VWA8: variants seen among roughly 807,000 people sequenced by gnomAD.
VWA8 encodes the protein von Willebrand factor A domain containing 8.
In VWA8, 221 loss-of-function variants were observed where a neutral mutation model predicts 241.5. The ratio of observed to expected loss-of-function variants is 0.91; its 90% confidence interval spans 0.82 to 1.02. The LOEUF (loss-of-function observed/expected upper bound fraction) is 1.02. VWA8 is among the 50% of genes least tolerant of loss of function. VWA8 has a pLI of 0.00. For missense variants in VWA8, 2,322 were observed against 2,328.7 expected, an observed-to-expected ratio of 1.00 and a Z score of 0.06; for synonymous variants, 852 against 827.1, an observed-to-expected ratio of 1.03 and a Z score of -0.52.
chr13:41,839,873 T>C (rs1198332689), intron 12 of VWA8, among the ~76,000 whole-genome samples: 3 of 152,202 alleles, frequency 2.0e-5, no homozygotes, highest in South Asian at 2.1e-4. Context: ...TGGTTCCACA[T>C]GAAATTTAAA....
chr13:41,958,143 G>C (rs916239207), intron 1 of VWA8, among the ~76,000 whole-genome samples: 3 of 152,224 alleles, frequency 2.0e-5, no homozygotes, highest in Non-Finnish European at 4.4e-5. Context: ...ATAAAAAGCA[G>C]TGGGTTTGGG....
chr13:41,946,626 C>A (rs1391905318), intron 2 of VWA8, among the ~76,000 whole-genome samples: 1 of 150,816 alleles, frequency 6.6e-6, no homozygotes, highest in Non-Finnish European at 1.5e-5. Flanking sequence ...TAATTAGAAT[C>A]CCTAGGATGA....
intron 31 of VWA8, 22 bp downstream of exon 31, chr13:41,691,852 T>A (rs371112592): frequency 1.9e-6 from 3 of 1,568,052 alleles, no homozygotes; most frequent in African/African-American, 2.7e-5. Context: ...CCAGTTTAAA[T>A]CCTCTATAAT....
chr13:41,786,706 T>G (rs988963626), intron 18 of VWA8, among the ~76,000 whole-genome samples: 22 of 152,152 alleles, frequency 1.4e-4, no homozygotes, highest in African/African-American at 5.3e-4. Flanking sequence ...ACCAAATTCT[T>G]GTCTCAGTGC....
At chr13:41,800,649 C>T (rs1346555157) in intron 17 of VWA8, among the ~76,000 whole-genome samples, 7 of 151,092 alleles carry the variant, frequency 4.6e-5, no homozygotes, top group Non-Finnish European at 1.0e-4. Context: ...AAAAATCAGC[C>T]GGGTGTGGTG....
At position 41,581,061 on chromosome 13, in the gene VWA8, G is replaced by A. The variant is rs546374102; in HGVS notation, c.5272-5223C>T. On this transcript the variant is annotated intron_variant, in intron 42 of 44. Transcript: ENST00000379310. ...GTCGTCCAGGCTGGAGTGCAGTGGC[G>A]CAATCTCGGCTCACTGCAGGCTCCG... Among the ~76,000 whole-genome samples, 2 of 79,432 alleles carry A rather than the reference G, an allele frequency of 2.5e-5. 1 individual carries two copies. Among genetic ancestry groups the A allele is most frequent in the Non-Finnish European group, 4.2e-5 (2 of 47,908 alleles). The allele number at this position is 79,432 out of a possible 152,430, so 52.1% of individuals were successfully genotyped here.
At chr13:41,665,334 G>C (rs969100356) in intron 37 of VWA8, among the ~76,000 whole-genome samples, 3 of 151,958 alleles carry the variant, frequency 2.0e-5, no homozygotes, top group African/African-American at 4.8e-5. Context: ...ATTATGATTA[G>C]AAAGTGAGGC....
At chr13:41,910,192 C>A (rs1378327510) in intron 3 of VWA8, among the ~76,000 whole-genome samples, 1 of 152,124 alleles carries the variant, frequency 6.6e-6, no homozygotes, top group South Asian at 2.1e-4. Flanking sequence ...TCTCTTAGCC[C>A]TTCTCATTTC....
chr13:41,818,972 T>C (rs558227705), intron 15 of VWA8, among the ~76,000 whole-genome samples: 44 of 152,236 alleles, frequency 2.9e-4, no homozygotes, highest in Middle Eastern at 3.4e-3. Flanking sequence ...TAATATAGCA[T>C]CCCAGATCTA....
chr13:41,702,106 T>G (rs1378078504), intron 27 of VWA8, among the ~76,000 whole-genome samples: 2 of 152,242 alleles, frequency 1.3e-5, no homozygotes, highest in Non-Finnish European at 2.9e-5. Context: ...AATATAAATA[T>G]AAGCAGAGGA....
chr13:41,592,297 C>T (rs2044460580), intron 40 of VWA8, among the ~76,000 whole-genome samples: 1 of 120,614 alleles, frequency 8.3e-6, no homozygotes, highest in Non-Finnish European at 1.6e-5. Context: ...AGGGGAACAT[C>T]ACACTCTGGG....
chr13:41,897,657 G>A (rs954280846), intron 4 of VWA8, among the ~76,000 whole-genome samples: 1 of 152,124 alleles, frequency 6.6e-6, no homozygotes, highest in Non-Finnish European at 1.5e-5. Context: ...TCTTAAGGCT[G>A]CGCGTCTGGA....
chr13:41,805,145 T>C (rs559757549), intron 17 of VWA8, among the ~76,000 whole-genome samples: 20 of 152,288 alleles, frequency 1.3e-4, no homozygotes, highest in African/African-American at 4.8e-4. Context: ...TGAGACTCAA[T>C]GATCTGTTGT....
intron 39 of VWA8, 136 bp from the exon 40 acceptor site, chr13:41,605,412 T>C: frequency 1.3e-6 from 1 of 774,150 alleles, no homozygotes. Flanking sequence ...AGGCAAGAAG[T>C]GATGTCTCCA....
At position 41,830,483 on chromosome 13, in the gene VWA8, T is replaced by C. The variant is rs1271813522; in HGVS notation, c.1700+46A>G. ...GAAAAATCATAAAAAGTATTATTTT[T>C]AACTTAACAATAAATTAGCAATGGG... On this transcript the variant is annotated intron_variant, in intron 14 of 44. Coordinates refer to ENST00000379310, the MANE Select transcript of VWA8 (RefSeq NM_015058.2). The C allele has an allele frequency of 2.8e-6, 4 of 1,453,968 alleles. No individual in the cohort carries two copies. In the South Asian group the frequency reaches 4.7e-5, roughly 17 times the overall value. The allele number at this position is 1,453,968 out of a possible 1,614,324, so 90.1% of individuals were successfully genotyped here. A position where few individuals can be genotyped will look rare whatever the true frequency, so the allele number is the denominator to read the frequency against.
At chr13:41,907,482 A>C (rs749657449) in intron 4 of VWA8, 104 bp downstream of exon 4, 12 of 954,988 alleles carry the variant, frequency 1.3e-5, no homozygotes, top group Non-Finnish European at 2.0e-5. Flanking sequence ...AGCACAATAC[A>C]ACTACCTTTT....
At chr13:41,767,429 T>C (rs1450025436) in intron 20 of VWA8, among the ~76,000 whole-genome samples, 2 of 152,216 alleles carry the variant, frequency 1.3e-5, no homozygotes, top group Non-Finnish European at 2.9e-5. Context: ...TTAGACAAGC[T>C]AATCTCTAAA....
At chr13:41,773,119 A>G (rs888350755) in intron 20 of VWA8, among the ~76,000 whole-genome samples, 2 of 152,238 alleles carry the variant, frequency 1.3e-5, no homozygotes, top group African/African-American at 4.8e-5. Context: ...ATTGCTACAC[A>G]TGATTCATTT....
intron 26 of VWA8, among the ~76,000 whole-genome samples, chr13:41,704,845 G>C (rs2137830981): frequency 6.6e-6 from 1 of 152,182 alleles, no homozygotes; most frequent in African/African-American, 2.4e-5. Flanking sequence ...GAAAATTAGT[G>C]ATTCAGAGTT....
Sources: gnomAD v4.1 joint callset for allele counts (sites outside exome capture counted in the v4.1 genomes callset) on GRCh38, gnomAD v4.1.1 for gene constraint, MANE v1.5 for transcripts, NCBI Gene and HGNC (gene_info 2026-07-23, HGNC 2026-07-21) for gene names.